Variants in TMEM52B observed in about 807,000 individuals in gnomAD.
TMEM52B encodes chromosome 12 open reading frame 59.
In TMEM52B, 11 loss-of-function variants were observed where a neutral mutation model predicts 16.1. The ratio of observed to expected loss-of-function variants is 0.68; its 90% CI spans 0.43 to 1.13. The LOEUF (loss-of-function observed/expected upper bound fraction) is 1.13. Ranked by LOEUF, TMEM52B falls within the 50% of genes most tolerant of loss-of-function variation. TMEM52B has a pLI of 0.00. For missense variants in TMEM52B, 243 were observed against 230.4 expected, an observed-to-expected ratio of 1.05 and a Z score of -0.35; for synonymous variants, 101 against 93.8, an observed-to-expected ratio of 1.08 and a Z score of -0.45.
At chr12:10,185,808 C>T (rs138837338) in intron 3 of TMEM52B, among the ~76,000 whole-genome samples, 295 of 152,040 alleles carry the variant, frequency 1.9e-3, no homozygotes, top group African/African-American at 6.6e-3. Flanking sequence ...TTTGGGAGGC[C>T]GAGACAGTGG....
At position 10,190,760 on chromosome 12, in the gene TMEM52B, T is replaced by A. The variant is rs1290625118; in HGVS notation, c.*620T>A. On this transcript the variant is annotated 3_prime_UTR_variant, in exon 5 of 5. Transcript: ENST00000543484. Reference sequence around the variant, plus strand: ...TCTCTGGTCCTACCCCTCAGCAGTATGAAAAACTCCATACTGTGCAGTCAC... The same window carrying A: ...TCTCTGGTCCTACCCCTCAGCAGTAAGAAAAACTCCATACTGTGCAGTCAC... 6.4e-6 allele frequency: 1 copy of A among 156,142 alleles called. No individual in the cohort carries two copies. The highest frequency in any genetic ancestry group is 2.4e-5 in the African/African-American group (1 of 41,476). 9.7% of individuals were successfully genotyped at this position (156,142 alleles called of 1,614,324 possible). A position where few individuals can be genotyped will look rare whatever the true frequency, so the allele number is the denominator to read the frequency against.
Position 10,186,585 on chromosome 12 carries a change from C to A in TMEM52B, c.303C>A (p.Ile101=). ...FDHDSTLQST[I]TSLQSVFGPA... Reference sequence around the variant, plus strand: ...ACGACAGCACTCTCCAGAGCACTATCACATGTGAGTACACTGAACTTTTAA... The same window carrying A: ...ACGACAGCACTCTCCAGAGCACTATAACATGTGAGTACACTGAACTTTTAA... The change falls in exon 4 of 5, where the codon ATC becomes ATA. Residue 101 remains isoleucine (I), a synonymous_variant. Transcript: ENST00000543484. 5 of 1,581,544 alleles carry A rather than the reference C, an allele frequency of 3.2e-6. No homozygotes were observed. The highest frequency in any genetic ancestry group is 4.3e-6 in the Non-Finnish European group (5 of 1,157,858).
chr12:10,171,353 GATTATGAATTAATTTATA>G (rs1315783897), intron 1 of TMEM52B, among the ~76,000 whole-genome samples: 1 of 152,150 alleles, frequency 6.6e-6, no homozygotes, highest in African/African-American at 2.4e-5. Context: ...GTGGAATTGG[GATTATGAATTAATTTATA>G]GCTATGCAAT....
In TMEM52B at chr12:10,190,461, A is replaced by T; in HGVS notation, c.*321A>T. 3.7e-6 allele frequency: 1 copy of T among 271,408 alleles called. No homozygotes were observed. 16.8% of individuals were successfully genotyped at this position (271,408 alleles called of 1,614,324 possible). ...GTGCATATAGAATTCCTGTACCCAC[A>T]TGATACTGCAAGTTGTGTCTCTCTC... On this transcript the variant is annotated 3_prime_UTR_variant, in exon 5 of 5. Transcript: ENST00000543484.
At position 10,190,077 on chromosome 12, in the gene TMEM52B, T is replaced by C. The variant is rs1243845168; in HGVS notation, c.489T>C (p.Pro163=). The change falls in exon 5 of 5, where the codon CCT becomes CCC. Residue 163 remains proline (P), a synonymous_variant. Coordinates refer to ENST00000543484, the MANE Select transcript of TMEM52B (RefSeq NM_001384896.1). ...AAGCACCTGATCTACCCCCAGTACC[T>C]GAAGAAAAGCAGCTGCCTCCAACAG... The part of the protein sequence containing the change: ...GQKAPDLPPV[P]EEKQLPPTEK... The C allele has an allele frequency of 3.1e-6, 5 of 1,614,122 alleles. No individual in the cohort carries two copies. The highest frequency in any genetic ancestry group is 1.1e-5 in the South Asian group (1 of 91,084).
intron 1 of TMEM52B, 115 bp from the exon 2 acceptor site, chr12:10,182,435 C>T (rs1591989923): frequency 4.9e-6 from 7 of 1,415,282 alleles, no homozygotes; most frequent in South Asian, 3.0e-5. Context: ...CCCCTATGAC[C>T]GTGACCTTCT....
upstream of TMEM52B, among the ~76,000 whole-genome samples, chr12:10,176,529 G>C (rs1015738817): frequency 6.6e-6 from 1 of 152,150 alleles, no homozygotes; most frequent in Non-Finnish European, 1.5e-5. Context: ...GGCCAGGCTA[G>C]CAAGGAAAAA....
At chr12:10,176,247 A>G (rs112645548), upstream of TMEM52B, among the ~76,000 whole-genome samples, 1 of 152,186 alleles carries the variant, frequency 6.6e-6, no homozygotes, top group Non-Finnish European at 1.5e-5. Flanking sequence ...AGCTGCCCCA[A>G]GGCATAATCT....
At chr12:10,174,515 C>T (rs1347114121), upstream of TMEM52B, among the ~76,000 whole-genome samples, 2 of 152,170 alleles carry the variant, frequency 1.3e-5, no homozygotes, top group Non-Finnish European at 2.9e-5. Context: ...AAGCTTCTAA[C>T]CTTCCCCCAA....
intron 4 of TMEM52B, among the ~76,000 whole-genome samples, chr12:10,188,948 C>T (rs1236150810): frequency 1.5e-5 from 2 of 134,878 alleles, no homozygotes; most frequent in Non-Finnish European, 3.1e-5. Flanking sequence ...ACCCGGGAGG[C>T]GGAGCTTGCA....
chr12:10,186,624 C>A, intron 4 of TMEM52B, 35 bp downstream of exon 4: 1 of 1,506,178 alleles, frequency 6.6e-7, no homozygotes, highest in Non-Finnish European at 9.0e-7. Flanking sequence ...GGGAGGAGGA[C>A]CCAATTTAAG....
chr12:10,184,254 C>T (rs1358613595), intron 2 of TMEM52B, among the ~76,000 whole-genome samples: 3 of 152,266 alleles, frequency 2.0e-5, no homozygotes, highest in Non-Finnish European at 4.4e-5. Flanking sequence ...TCTCTTCATC[C>T]GCATCCTCGG....
intron 3 of TMEM52B, 62 bp downstream of exon 3, chr12:10,185,430 A>G (rs1413874155): frequency 3.2e-6 from 4 of 1,237,990 alleles, no homozygotes; most frequent in Non-Finnish European, 4.8e-6. Flanking sequence ...AAAAATGACA[A>G]CCTGCCTACT....
intron 2 of TMEM52B, among the ~76,000 whole-genome samples, chr12:10,183,981 G>T (rs755239052): frequency 6.6e-6 from 1 of 152,186 alleles, no homozygotes; most frequent in South Asian, 2.1e-4. Flanking sequence ...TTAGGATGGG[G>T]CTGGTCATTG....
intron 2 of TMEM52B, 38 bp from the exon 3 acceptor site, chr12:10,185,292 A>G: frequency 1.4e-6 from 2 of 1,447,068 alleles, no homozygotes; most frequent in East Asian, 2.3e-5. Flanking sequence ...GGGATTGACT[A>G]TATTTTTAAT....
intron 1 of TMEM52B, among the ~76,000 whole-genome samples, chr12:10,171,219 G>T (rs918513149): frequency 6.6e-6 from 1 of 152,046 alleles, no homozygotes; most frequent in Non-Finnish European, 1.5e-5. Context: ...TTTGTTTTTG[G>T]AAATGTAATT....
At chr12:10,185,184 G>T in intron 2 of TMEM52B, 146 bp from the exon 3 acceptor site, 1 of 645,868 alleles carries the variant, frequency 1.5e-6, no homozygotes, top group Non-Finnish European at 2.8e-6. Flanking sequence ...GATTCAACTA[G>T]CTACAGTGAA....
chr12:10,178,287 C>T (rs1948783244), upstream of TMEM52B, among the ~76,000 whole-genome samples: 1 of 151,744 alleles, frequency 6.6e-6, no homozygotes, highest in Non-Finnish European at 1.5e-5. Context: ...GAGGCCGAGT[C>T]GGGCGGATCA....
chr12:10,176,106 C>T (rs971551118), upstream of TMEM52B, among the ~76,000 whole-genome samples: 1 of 152,110 alleles, frequency 6.6e-6, no homozygotes, highest in South Asian at 2.1e-4. Flanking sequence ...AGACCATTTC[C>T]CTCTATCCCA....
Sources: allele counts gnomAD v4.1 joint callset (sites outside exome capture counted in the v4.1 genomes callset), GRCh38; gene constraint gnomAD v4.1.1; transcripts MANE v1.5; gene names NCBI Gene and HGNC (gene_info 2026-07-23, HGNC 2026-07-21).